Variants in CCDC150 observed in about 807,000 individuals in gnomAD.
CCDC150 encodes the protein coiled-coil domain-containing protein 150.
Under a neutral mutation model 156.5 loss-of-function variants are expected in CCDC150, and 151 were observed. That is an observed-to-expected ratio of 0.97 (90% confidence interval 0.85 to 1.10). The LOEUF (loss-of-function observed/expected upper bound fraction) is 1.10, where lower values mean the gene tolerates loss of function less well. Ranked by LOEUF, CCDC150 falls within the 50% of genes least tolerant of loss-of-function variation. The pLI, the probability that CCDC150 is intolerant of heterozygous loss-of-function variation, is 0.00. For synonymous variants in CCDC150, 452 were observed against 429.4 expected, an observed-to-expected ratio of 1.05 and a Z score of -0.65; for missense variants, 1,312 against 1,268.1, an observed-to-expected ratio of 1.03 and a Z score of -0.53.
intron 15 of CCDC150, among the ~76,000 whole-genome samples, chr2:196,701,852 T>C (rs1696233415): frequency 1.3e-5 from 2 of 152,350 alleles, no homozygotes; most frequent in Middle Eastern, 6.8e-3. Flanking sequence ...AGAATATTAA[T>C]GGTAGAATTT....
At position 196,732,030 on chromosome 2, in the gene CCDC150, C is replaced by T. The variant is rs1698546170; in HGVS notation, c.3070-3C>T. ...CTTTTAATGGTGATATTTATATGTT[C>T]AGATAACAGCTAATCTGGAAGAAGC... On this transcript the variant is annotated splice_region_variant and splice_polypyrimidine_tract_variant and intron_variant, in intron 26 of 27. Coordinates refer to ENST00000389175, the MANE Select transcript of CCDC150 (RefSeq NM_001080539.2). The T allele has an allele frequency of 1.2e-6, 2 of 1,613,092 alleles. No individual in the cohort carries two copies. Among genetic ancestry groups the T allele is most frequent in the Non-Finnish European group, 1.7e-6 (2 of 1,179,446 alleles).
intron 20 of CCDC150, among the ~76,000 whole-genome samples, 161 bp from the exon 21 acceptor site, chr2:196,721,361 T>TATATATATATACACATATATAC (rs146765179): frequency 6.0e-5 from 3 of 49,832 alleles, no homozygotes; most frequent in African/African-American, 1.6e-4. Flanking sequence ...TGCATATATA[T>TATATATATATACACATATATAC]ATATATATTT....
intron 6 of CCDC150, 75 bp from the exon 7 acceptor site, chr2:196,666,644 T>C: frequency 7.9e-7 from 1 of 1,268,832 alleles, no homozygotes; most frequent in Non-Finnish European, 1.1e-6. Flanking sequence ...GAATGTTGCC[T>C]TATACATGTG....
In CCDC150 at chr2:196,656,995, G is replaced by A. The variant is rs950093867; in HGVS notation, c.435G>A (p.Glu145=). The part of the protein sequence containing the change: ...LKDRLNAIQE[E]HSKDLKLLHL... ...ATCGACTGAATGCAATACAGGAAGA[G>A]CATTCTAAGGACCTGAAGCTGTTGC... Residue 145 remains glutamate (E), a synonymous_variant, in exon 4 of 28, where the codon GAG becomes GAA. Transcript: ENST00000389175. 2.5e-6 allele frequency: 4 copies of A among 1,613,518 alleles called. No homozygotes were observed. Among genetic ancestry groups the A allele is most frequent in the African/African-American group, 2.7e-5 (2 of 74,902 alleles).
chr2:196,694,299 A>G (rs1575858392), intron 13 of CCDC150, among the ~76,000 whole-genome samples: 1 of 151,908 alleles, frequency 6.6e-6, no homozygotes, highest in African/African-American at 2.4e-5. Context: ...CAGGTGATCC[A>G]CCTGCCTCAG....
intron 25 of CCDC150, 134 bp downstream of exon 25, chr2:196,730,252 G>A (rs1466083475): frequency 1.4e-6 from 1 of 697,546 alleles, no homozygotes; most frequent in Non-Finnish European, 2.3e-6. Context: ...TCTTAGCTAA[G>A]TCCTTAGAAT....
chr2:196,678,299 G>C (rs1042488662), intron 13 of CCDC150, among the ~76,000 whole-genome samples: 1 of 152,176 alleles, frequency 6.6e-6, no homozygotes, highest in African/African-American at 2.4e-5. Context: ...AACCTTGACT[G>C]TTTCTTTGCT....
At chr2:196,646,183 C>T (rs1692527193) in intron 1 of CCDC150, among the ~76,000 whole-genome samples, 158 bp from the exon 2 acceptor site, 1 of 152,184 alleles carries the variant, frequency 6.6e-6, no homozygotes, top group Admixed American at 6.5e-5. Context: ...CAAGCTGGCT[C>T]TTATAACTTC....
chr2:196,710,079 T>TG (rs1696993187), intron 15 of CCDC150, among the ~76,000 whole-genome samples: 1 of 152,232 alleles, frequency 6.6e-6, no homozygotes, highest in Non-Finnish European at 1.5e-5. Context: ...CTGCAGAAGT[T>TG]TCTGCTGCCT....
chr2:196,717,122 C>G (rs1158383753), intron 17 of CCDC150, among the ~76,000 whole-genome samples: 1 of 151,906 alleles, frequency 6.6e-6, no homozygotes, highest in Admixed American at 6.6e-5. Context: ...ATCTCCTGAC[C>G]TCATGATCCA....
chr2:196,720,160 A>C (rs1310258903), intron 19 of CCDC150: 8 of 402,326 alleles, frequency 2.0e-5, no homozygotes, highest in Non-Finnish European at 3.0e-5. Flanking sequence ...AAATTAAATA[A>C]AATTTCCTTT....
At position 196,676,204 on chromosome 2, in the gene CCDC150, A is replaced by T; in HGVS notation, c.1199A>T (p.His400Leu). 6.2e-7 allele frequency: 1 copy of T among 1,613,610 alleles called. No homozygotes were observed. The highest frequency in any genetic ancestry group is 8.5e-7 in the Non-Finnish European group (1 of 1,179,564). The change falls in exon 11 of 28, where the codon CAT (histidine) becomes CTT (leucine). Residue 400 changes from histidine (H) to leucine (L), a missense_variant. His to Leu is a moderately conservative substitution (Grantham distance 99). Transcript: ENST00000389175. ...CAAAACTTATTGCTGGATGCAGCCCATGCCAGTATCACAAATGAACTACAG... is the reference window on the plus strand; with the variant it reads ...CAAAACTTATTGCTGGATGCAGCCCTTGCCAGTATCACAAATGAACTACAG... ...QEQNLLLDAAHASITNELQTV... is the reference protein window; with the variant it reads ...QEQNLLLDAALASITNELQTV...
In CCDC150 at chr2:196,665,671, A is replaced by G. The variant is rs144653156; in HGVS notation, c.750A>G (p.Val250=). 1.2e-4 allele frequency: 198 copies of G among 1,586,080 alleles called. 2 individuals carry two copies. The East Asian group carries it at 4.5e-3, about 36-fold the overall frequency. The change falls in exon 6 of 28, where the codon GTA becomes GTG. Residue 250 remains valine, a synonymous_variant. Transcript: ENST00000389175. ...AAGAAATGGGATCAACAGTGGAGGTAGAACGAAAACAGGTAGAAAGATTTC... is the reference window on the plus strand; with the variant it reads ...AAGAAATGGGATCAACAGTGGAGGTGGAACGAAAACAGGTAGAAAGATTTC... ...KIQEMGSTVE[V]ERKQVHILQQ...
intron 16 of CCDC150, chr2:196,712,472 T>G: frequency 1.7e-6 from 1 of 585,888 alleles, no homozygotes; most frequent in Non-Finnish European, 3.1e-6. Context: ...GACATTCAAC[T>G]TGCTTATTAT....
chr2:196,679,872 A>T (rs542995074), intron 13 of CCDC150, among the ~76,000 whole-genome samples: 1 of 152,266 alleles, frequency 6.6e-6, no homozygotes, highest in South Asian at 2.1e-4. Context: ...AATAATATTG[A>T]GCTTCTTTTC....
At chr2:196,707,887 C>T (rs1032827223) in intron 15 of CCDC150, among the ~76,000 whole-genome samples, 59 of 152,222 alleles carry the variant, frequency 3.9e-4, no homozygotes, top group African/African-American at 1.4e-3. Context: ...GTTGTGATTT[C>T]TGTTCTTTTA....
intron 13 of CCDC150, among the ~76,000 whole-genome samples, chr2:196,689,769 C>A (rs1695337966): frequency 6.6e-6 from 1 of 152,080 alleles, no homozygotes; most frequent in South Asian, 2.1e-4. Context: ...CTGGCCAGAA[C>A]TTCCAACACT....
At chr2:196,655,888 G>A (rs1693156768) in intron 2 of CCDC150, among the ~76,000 whole-genome samples, 1 of 152,110 alleles carries the variant, frequency 6.6e-6, no homozygotes, top group African/African-American at 2.4e-5. Flanking sequence ...CAGGGGAATA[G>A]GCTTGGGGGC....
chr2:196,654,845 G>A (rs1444374807), intron 2 of CCDC150, among the ~76,000 whole-genome samples: 1 of 152,112 alleles, frequency 6.6e-6, no homozygotes, highest in African/African-American at 2.4e-5. Flanking sequence ...ACCTCTCCCA[G>A]TCTTGTCAAA....
Sources: allele counts gnomAD v4.1 joint callset (sites outside exome capture counted in the v4.1 genomes callset), GRCh38; gene constraint gnomAD v4.1.1; transcripts MANE v1.5; gene names NCBI Gene and HGNC (gene_info 2026-07-23, HGNC 2026-07-21).